The following TANC2 variants were observed in gnomAD, a reference collection of about 807,000 sequenced individuals.
TANC2 encodes the protein tetratricopeptide repeat, ankyrin repeat and coiled-coil containing 2.
Under a neutral mutation model 210.5 loss-of-function variants are expected in TANC2, and 26 were observed. The observed-to-expected ratio is 0.12, with a 90% CI of 0.09 to 0.17. The LOEUF (loss-of-function observed/expected upper bound fraction) is 0.17, where lower values mean the gene tolerates loss of function less well. Among genes scored for constraint, TANC2 ranks in the 10% least tolerant of loss-of-function variants. The pLI, the probability that TANC2 is intolerant of heterozygous loss-of-function variation, is 1.00. For missense variants in TANC2, 2,129 were observed against 2,608.9 expected, an observed-to-expected ratio of 0.82 and a Z score of 4.01; for synonymous variants, 931 against 967.1, an observed-to-expected ratio of 0.96 and a Z score of 0.69.
intron 8 of TANC2, among the ~76,000 whole-genome samples, chr17:63,256,165 C>T (rs966102949): frequency 2.6e-5 from 4 of 152,170 alleles, no homozygotes; most frequent in African/African-American, 9.7e-5. Context: ...GCCTCGGCCT[C>T]CCAAAGTGCT....
At chr17:63,316,149 C>A (rs1373261739) in intron 10 of TANC2, among the ~76,000 whole-genome samples, 3 of 152,182 alleles carry the variant, frequency 2.0e-5, no homozygotes, top group Admixed American at 1.3e-4. Context: ...AATTTTGATT[C>A]TGAGAACACA....
At chr17:63,389,503 T>C (rs1408309416) in exon 17 of TANC2, 1 of 1,612,510 alleles carries the variant, frequency 6.2e-7, no homozygotes, top group Non-Finnish European at 8.5e-7. Context: ...AGCAGCAGGG[T>C]ACCTGAGCAT....
At chr17:63,066,745 C>G (rs887496239) in intron 2 of TANC2, among the ~76,000 whole-genome samples, 1 of 145,214 alleles carries the variant, frequency 6.9e-6, no homozygotes, top group Non-Finnish European at 1.5e-5. Flanking sequence ...TTAATGAAAG[C>G]TTTTTTTTTT....
At chr17:63,040,940 A>G (rs2035162189) in intron 2 of TANC2, among the ~76,000 whole-genome samples, 1 of 152,180 alleles carries the variant, frequency 6.6e-6, no homozygotes, top group Admixed American at 6.6e-5. Context: ...AAGATTTGCA[A>G]AGGATTCAGC....
intron 2 of TANC2, among the ~76,000 whole-genome samples, chr17:63,057,946 A>G (rs750561750): frequency 2.1e-4 from 32 of 152,076 alleles, no homozygotes; most frequent in Admixed American, 1.3e-4. Context: ...TTGGGTATAT[A>G]CCCAGTAGTG....
At chr17:63,013,132 T>C (rs947768065) in intron 2 of TANC2, among the ~76,000 whole-genome samples, 1 of 151,806 alleles carries the variant, frequency 6.6e-6, no homozygotes, top group Non-Finnish European at 1.5e-5. Context: ...TATTTATAGG[T>C]GTAGTCCTAA....
chr17:63,324,758 A>G (rs1435508469), intron 11 of TANC2, among the ~76,000 whole-genome samples: 5 of 152,058 alleles, frequency 3.3e-5, no homozygotes, highest in Non-Finnish European at 7.4e-5. Context: ...GTTAATTTCT[A>G]TGTTGTTTTT....
At chr17:62,992,029 A>T (rs2032896306) in intron 1 of TANC2, among the ~76,000 whole-genome samples, 1 of 152,236 alleles carries the variant, frequency 6.6e-6, no homozygotes, top group Non-Finnish European at 1.5e-5. Flanking sequence ...GCAAATATAG[A>T]TACGTATTTA....
intron 7 of TANC2, among the ~76,000 whole-genome samples, chr17:63,221,859 C>G (rs1226175632): frequency 1.9e-4 from 29 of 152,080 alleles, no homozygotes; most frequent in Admixed American, 1.8e-3. Context: ...TAAAGTTCAA[C>G]AAAAATCTGC....
At chr17:63,020,262 G>A (rs1299010332) in intron 2 of TANC2, among the ~76,000 whole-genome samples, 4 of 151,968 alleles carry the variant, frequency 2.6e-5, no homozygotes, top group African/African-American at 9.7e-5. Context: ...TTTTTATAAA[G>A]CAAAAGTTTT....
At chr17:63,352,464 T>C (rs1598920700) in intron 13 of TANC2, among the ~76,000 whole-genome samples, 1 of 152,266 alleles carries the variant, frequency 6.6e-6, no homozygotes, top group East Asian at 1.9e-4. Context: ...TATAAATCCA[T>C]CTTTACAACT....
intron 1 of TANC2, among the ~76,000 whole-genome samples, chr17:63,008,523 A>G (rs543320738): frequency 6.6e-5 from 10 of 152,302 alleles, no homozygotes; most frequent in African/African-American, 2.4e-4. Context: ...AAGAGCAGTC[A>G]TTGAATTGTG....
intron 5 of TANC2, chr17:63,153,223 A>C (rs1042841177): frequency 6.6e-6 from 1 of 152,182 alleles, no homozygotes; most frequent in Non-Finnish European, 1.5e-5. Flanking sequence ...GCATTTTTTC[A>C]TGCAAATTTT....
chr17:63,050,764 T>C (rs879810269), intron 2 of TANC2, among the ~76,000 whole-genome samples: 2 of 152,362 alleles, frequency 1.3e-5, no homozygotes, highest in East Asian at 1.9e-4. Context: ...CAATGGACTT[T>C]ATAAGAGATT....
At chr17:63,354,542 A>G (rs376646860) in intron 13 of TANC2, among the ~76,000 whole-genome samples, 54 of 152,210 alleles carry the variant, frequency 3.5e-4, no homozygotes, top group East Asian at 2.1e-3. Context: ...TCATGAAATC[A>G]CTCCAAAAGC....
chr17:63,408,533 A>G (rs1000201725), intron 21 of TANC2, among the ~76,000 whole-genome samples: 5 of 152,206 alleles, frequency 3.3e-5, no homozygotes, highest in Non-Finnish European at 5.9e-5. Context: ...AAATTTATAG[A>G]TGTTGCATCT....
intron 5 of TANC2, among the ~76,000 whole-genome samples, chr17:63,168,843 A>G (rs943908691): frequency 6.6e-6 from 1 of 152,210 alleles, no homozygotes; most frequent in Admixed American, 6.5e-5. Flanking sequence ...TACAGTTTCA[A>G]AGGATTTGCA....
chr17:63,314,122 A>G (rs2045227747), intron 9 of TANC2, among the ~76,000 whole-genome samples: 1 of 152,232 alleles, frequency 6.6e-6, no homozygotes, highest in Non-Finnish European at 1.5e-5. Flanking sequence ...AATTTTGAAT[A>G]TCATCCCGAC....
intron 7 of TANC2, among the ~76,000 whole-genome samples, chr17:63,234,764 A>G (rs2042575270): frequency 6.6e-6 from 1 of 152,226 alleles, no homozygotes; most frequent in African/African-American, 2.4e-5. Flanking sequence ...AAGATAGTAA[A>G]TGATTAAGAT....
Sources: gnomAD v4.1 joint callset for allele counts (sites outside exome capture counted in the v4.1 genomes callset) on GRCh38, gnomAD v4.1.1 for gene constraint, MANE v1.5 for transcripts, NCBI Gene and HGNC (gene_info 2026-07-23, HGNC 2026-07-21) for gene names.